BAX: variants seen among roughly 807,000 people sequenced by gnomAD.
BAX encodes apoptosis regulator BAX.
BAX carries 21 observed loss-of-function variants against 26.8 expected under a neutral mutation model. That is an observed-to-expected ratio of 0.78 (90% CI 0.56 to 1.13). The LOEUF (loss-of-function observed/expected upper bound fraction) is 1.13. Among genes scored for constraint, BAX ranks in the 50% most tolerant of loss-of-function variants. The pLI is 0.00. For missense variants in BAX, 236 were observed against 254.6 expected, an observed-to-expected ratio of 0.93 and a Z score of 0.50; for synonymous variants, 110 against 101.8, an observed-to-expected ratio of 1.08 and a Z score of -0.49.
chr19:48,960,407 A>G, intron 4 of BAX: 1 of 317,270 alleles, frequency 3.2e-6, no homozygotes, highest in South Asian at 2.4e-5. Context: ...CTTGTTGCCC[A>G]GGCTGGAGTG....
rs2038096305 is a variant in BAX at position 48,955,685 on chromosome 19, A to G, written c.87-2A>G. The G allele has an allele frequency of 6.2e-7, 1 of 1,611,616 alleles. No individual in the cohort carries two copies. The highest frequency in any genetic ancestry group is 1.3e-5 in the African/African-American group (1 of 74,764). The stretch of plus-strand genomic sequence containing the variant: ...TGCACCCTCACTCCATCCCCACTCT[A>G]GTTTCATCCAGGATCGAGCAGGGCG... On this transcript the variant is annotated splice_acceptor_variant, in intron 2 of 5. Coordinates refer to ENST00000345358, the MANE Select transcript of BAX (RefSeq NM_138761.4). LOFTEE classifies it high-confidence loss of function.
At chr19:48,956,048 C>T (rs1600102327) in intron 3 of BAX, 150 bp from the exon 4 acceptor site, 3 of 1,204,702 alleles carry the variant, frequency 2.5e-6, no homozygotes, top group South Asian at 3.4e-5. Context: ...CTGTCTTGTC[C>T]CCTTCCCTTG....
intron 4 of BAX, chr19:48,960,424 CGCAACCTCGGCTCACT>C (rs1460679956): frequency 9.2e-6 from 3 of 324,888 alleles, no homozygotes; most frequent in African/African-American, 4.4e-5. Flanking sequence ...AGTGCAATGG[CGCAACCTCGGCTCACT>C]GCAACCTCCG....
At position 48,956,272 on chromosome 19, in the gene BAX, G is replaced by T. The variant is rs1319541919; in HGVS notation, c.308G>T (p.Gly103Val). 1 of 1,590,364 alleles carries T rather than the reference G, an allele frequency of 6.3e-7. No individual in the cohort carries two copies. ...FRVAADMFSD[G>V]NFNWGRVVAL... Reference sequence around the variant, plus strand: ...GTGGCAGCTGACATGTTTTCTGACGGCAACTTCAACTGGGGCCGGGTTGTC... The same window carrying T: ...GTGGCAGCTGACATGTTTTCTGACGTCAACTTCAACTGGGGCCGGGTTGTC... The change falls in exon 4 of 6, where the codon GGC (glycine) becomes GTC (valine). Residue 103 changes from glycine (G) to valine (V), a missense_variant. Physicochemically the swap from Gly to Val is moderately radical, Grantham distance 109. Transcript: ENST00000345358.
At chr19:48,961,126 C>A (rs2038343724) in intron 5 of BAX, 1 of 1,555,530 alleles carries the variant, frequency 6.4e-7, no homozygotes, top group Non-Finnish European at 8.7e-7. Context: ...ACCCTGCTGA[C>A]CTCCCAGTGA....
intron 3 of BAX, 40 bp downstream of exon 3, chr19:48,955,873 T>A: frequency 6.5e-7 from 1 of 1,544,694 alleles, no homozygotes; most frequent in Admixed American, 2.0e-5. Flanking sequence ...GCCACTGGGC[T>A]CCTTCAGGAC....
In BAX at chr19:48,961,652, T is replaced by G. The variant is rs757014739; in HGVS notation, c.*16T>G. On this transcript the variant is annotated 3_prime_UTR_variant, in exon 6 of 6. Coordinates refer to ENST00000345358, the MANE Select transcript of BAX (RefSeq NM_138761.4). Reference sequence around the variant, plus strand: ...GATGGGCTGAGGCCCCCAGCTGCCTTGGACTGTGTTTTTCCTCCATAAATT... The same window carrying G: ...GATGGGCTGAGGCCCCCAGCTGCCTGGGACTGTGTTTTTCCTCCATAAATT... 17 of 1,555,618 alleles carry G rather than the reference T, an allele frequency of 1.1e-5. No homozygotes were observed. In the South Asian group the frequency reaches 1.6e-4, roughly 15 times the overall value.
Position 48,961,082 on chromosome 19 carries a change from T to C in BAX, c.474+168T>C, listed in dbSNP as rs755378794. The stretch of plus-strand genomic sequence containing the variant: ...CATCAGATGTGGTCTATAATGCGTT[T>C]TCCTTACGTGTCTGATCAATCCCCG... On this transcript the variant is annotated intron_variant, in intron 5 of 5. Coordinates refer to ENST00000345358, the MANE Select transcript of BAX (RefSeq NM_138761.4). 4.4e-5 allele frequency: 71 copies of C among 1,596,812 alleles called. No homozygotes were observed. The East Asian group carries it at 1.6e-3, about 36-fold the overall frequency.
At chr19:48,960,936 C>A (rs1313592371) in intron 5 of BAX, 22 bp downstream of exon 5, 1 of 1,613,464 alleles carries the variant, frequency 6.2e-7, no homozygotes, top group African/African-American at 1.3e-5. Flanking sequence ...CAAGCCTCCT[C>A]ACCCCCACCA....
At chr19:48,959,992 T>TAAAAAAAA (rs563583240) in intron 4 of BAX, among the ~76,000 whole-genome samples, 4 of 102,684 alleles carry the variant, frequency 3.9e-5, no homozygotes, top group Admixed American at 2.2e-4. Context: ...GACTCCATCT[T>TAAAAAAAA]AAAAAAAAAA....
At chr19:48,955,505 A>G in intron 1 of BAX, 43 bp from the exon 2 acceptor site, 1 of 1,593,264 alleles carries the variant, frequency 6.3e-7, no homozygotes, top group Non-Finnish European at 8.6e-7. Flanking sequence ...GATCCCCTAG[A>G]ACCCAAGAGT....
chr19:48,961,511 G>C (rs781589645), intron 5 of BAX, 21 bp from the exon 6 acceptor site: 1 of 1,583,394 alleles, frequency 6.3e-7, no homozygotes, highest in Non-Finnish European at 8.6e-7. Flanking sequence ...TCACTGAAGC[G>C]ACTGATGTCC....
At chr19:48,955,077 C>T in intron 1 of BAX, 115 bp downstream of exon 1, 6 of 1,181,766 alleles carry the variant, frequency 5.1e-6, no homozygotes, top group East Asian at 3.2e-5. Context: ...GCAGAAACTC[C>T]CGGATCGGGC....
intron 3 of BAX, 143 bp downstream of exon 3, chr19:48,955,976 C>A: frequency 8.5e-7 from 1 of 1,182,878 alleles, no homozygotes; most frequent in Non-Finnish European, 1.1e-6. Flanking sequence ...TCCCAGCCCT[C>A]CTCTCTGCCA....
Position 48,955,565 on chromosome 19 carries a change from C to T in BAX, c.52C>T (p.Gln18Ter). Reference sequence around the variant, plus strand: ...TCCTCTAGGGCCCACCAGCTCTGAGCAGATCATGAAGACAGGGGCCCTTTT... The same window carrying T: ...TCCTCTAGGGCCCACCAGCTCTGAGTAGATCATGAAGACAGGGGCCCTTTT... ...PRGGGPTSSE[Q>*]IMKTGALLLQ... The change falls in exon 2 of 6, where the codon CAG (glutamine) becomes TAG (stop). Residue 18 changes from glutamine (Q) to a stop codon, truncating the protein, a stop_gained. Transcript: ENST00000345358. LOFTEE classifies it high-confidence loss of function. 3 of 1,613,900 alleles carry T rather than the reference C, an allele frequency of 1.9e-6. No individual in the cohort carries two copies. Among genetic ancestry groups the T allele is most frequent in the Non-Finnish European group, 2.5e-6 (3 of 1,179,894 alleles).
Position 48,955,529 on chromosome 19 carries a change from C to A in BAX, c.35-19C>A, listed in dbSNP as rs769020310. On this transcript the variant is annotated intron_variant, in intron 1 of 5. Coordinates refer to ENST00000345358, the MANE Select transcript of BAX (RefSeq NM_138761.4). ...GAACCCAAGAGTCCAGGTACCTCTT[C>A]CCTTCCTTTCTCCTCTAGGGCCCAC... is the stretch of plus-strand genomic sequence containing the variant. 4.4e-6 allele frequency: 7 copies of A among 1,608,590 alleles called. No homozygotes were observed. Among genetic ancestry groups the A allele is most frequent in the South Asian group, 3.3e-5 (3 of 90,302 alleles).
chr19:48,956,759 G>A lies in BAX; in HGVS notation c.369+426G>A, dbSNP rs569577921. Among the ~76,000 whole-genome samples, 77 of 148,222 alleles carry A rather than the reference G, an allele frequency of 5.2e-4. 1 individual carries two copies. The South Asian group carries it at 7.7e-3, about 15-fold the overall frequency. ...CAACCTCTGCCTCCCAGGTTCAAGC[G>A]ATTCTCCTGCCTCAGCTTCCTGAGT... On this transcript the variant is annotated intron_variant, in intron 4 of 5. Transcript: ENST00000345358.
At chr19:48,956,108 C>A in intron 3 of BAX, 90 bp from the exon 4 acceptor site, 1 of 1,415,434 alleles carries the variant, frequency 7.1e-7, no homozygotes, top group Admixed American at 2.7e-5. Flanking sequence ...GGGGCTCAGT[C>A]TCCTTATCTT....
intron 4 of BAX, among the ~76,000 whole-genome samples, chr19:48,957,526 T>C (rs1325704601): frequency 3.9e-5 from 6 of 151,908 alleles, no homozygotes; most frequent in Non-Finnish European, 7.4e-5. Flanking sequence ...CCGCCCACCT[T>C]GGCCTCCCAA....
Sources: allele counts gnomAD v4.1 joint callset (sites outside exome capture counted in the v4.1 genomes callset), GRCh38; gene constraint gnomAD v4.1.1; transcripts MANE v1.5; gene names NCBI Gene and HGNC (gene_info 2026-07-23, HGNC 2026-07-21).